EHHADH: variants seen among roughly 807,000 people sequenced by gnomAD.
EHHADH encodes enoyl-CoA hydratase and 3-hydroxyacyl CoA dehydrogenase.
In EHHADH, 48 loss-of-function variants were observed where a neutral mutation model predicts 64.4. That is an observed-to-expected ratio of 0.75 (90% CI 0.59 to 0.95). The LOEUF is 0.95. Ranked by LOEUF, EHHADH falls within the 40% of genes least tolerant of loss-of-function variation. The pLI, the probability that EHHADH is intolerant of heterozygous loss-of-function variation, is 0.00. For missense variants in EHHADH, 854 were observed against 876.6 expected (o/e 0.97, Z 0.33); for synonymous variants, 308 against 326.7 (o/e 0.94, Z 0.62).
Position 185,190,836 on chromosome 3 carries a change from G to GCATTTT in EHHADH, c.*1389_*1390insAAAATG. ...CATCAGAACTTTAATCATTTTATTT[G>GCATTTT]GGTTCACAGGTGAAAATATTGTGAA... is the stretch of plus-strand genomic sequence containing the variant. On this transcript the variant is annotated 3_prime_UTR_variant, in exon 7 of 7. Transcript: ENST00000231887. 1.3e-5 allele frequency: 2 copies of GCATTTT among 152,078 alleles called. 1 individual carries two copies. Among genetic ancestry groups the GCATTTT allele is most frequent in the South Asian group, 4.2e-4 (2 of 4,812 alleles). 9.4% of individuals were successfully genotyped at this position (152,078 alleles called of 1,614,324 possible).
chr3:185,209,750 A>G (rs987092350), intron 5 of EHHADH, among the ~76,000 whole-genome samples: 5 of 152,246 alleles, frequency 3.3e-5, no homozygotes, highest in African/African-American at 1.2e-4. Context: ...ATGCTTGATT[A>G]GTAAGTAGTG....
At chr3:185,228,774 A>G (rs191467484) in intron 4 of EHHADH, among the ~76,000 whole-genome samples, 9 of 152,298 alleles carry the variant, frequency 5.9e-5, no homozygotes, top group Admixed American at 5.2e-4. Context: ...AAAATTTGAA[A>G]ACATACCTTG....
chr3:185,215,926 TTA>T (rs79982388), intron 5 of EHHADH, among the ~76,000 whole-genome samples: 1,727 of 152,300 alleles, frequency 0.011, 14 homozygotes, highest in Non-Finnish European at 0.018. Context: ...CTACACATTT[TTA>T]TATCACAATT....
chr3:185,249,769 G>C (rs1405281329), intron 1 of EHHADH, among the ~76,000 whole-genome samples: 1 of 152,166 alleles, frequency 6.6e-6, no homozygotes, highest in Non-Finnish European at 1.5e-5. Flanking sequence ...GTGTGAAAAT[G>C]GACTAACACA....
Position 185,218,173 on chromosome 3 carries a change from C to G in EHHADH, c.531G>C (p.Pro177=). ...GAGCAAATCTGATTGCTTCTTCAAC[C>G]GGGTCTGAGTTTACAACTTTATCTA... ...GILDKVVNSD[P]VEEAIRFAQR... The change falls in exon 5 of 7, where the codon CCG becomes CCC. Residue 177 remains proline, a synonymous_variant. Transcript: ENST00000231887. 4 of 1,606,510 alleles carry G rather than the reference C, an allele frequency of 2.5e-6. No homozygotes were observed. The highest frequency in any genetic ancestry group is 3.4e-6 in the Non-Finnish European group (4 of 1,177,300).
chr3:185,201,241 G>A (rs994839035), intron 6 of EHHADH, among the ~76,000 whole-genome samples: 2 of 152,144 alleles, frequency 1.3e-5, no homozygotes, highest in African/African-American at 4.8e-5. Flanking sequence ...GATGCTACAA[G>A]GAGGGAATGA....
chr3:185,193,421 AC>A lies in EHHADH; in HGVS notation c.976del (p.Val326Ter), dbSNP rs1717970177. 1.2e-6 allele frequency: 2 copies of A among 1,614,120 alleles called. No homozygotes were observed. The highest frequency in any genetic ancestry group is 1.7e-6 in the Non-Finnish European group (2 of 1,180,054). On this transcript the variant is annotated frameshift_variant, in exon 7 of 7. Coordinates refer to ENST00000231887, the MANE Select transcript of EHHADH (RefSeq NM_001966.4). LOFTEE classifies it high-confidence loss of function. Reference sequence around the variant, plus strand: ...TGCTAGCTGGTTTTTGTCCGAGTCTACAGCAATCACAGGAATCCTGGCCCTT... The same window carrying A: ...TGCTAGCTGGTTTTTGTCCGAGTCTAAGCAATCACAGGAATCCTGGCCCTT... Reference protein sequence around the residue: ...FARARIPVIAVDSDKNQLATA... With the variant: ...FARARIPVIAXDSDKNQLATA...
chr3:185,220,582 CGTT>C (rs1209074096), intron 4 of EHHADH, among the ~76,000 whole-genome samples: 1 of 152,138 alleles, frequency 6.6e-6, no homozygotes, highest in Non-Finnish European at 1.5e-5. Flanking sequence ...GAATATATCT[CGTT>C]GTTCAATGAT....
intron 6 of EHHADH, among the ~76,000 whole-genome samples, chr3:185,199,616 A>T (rs1003502223): frequency 2.0e-5 from 3 of 152,276 alleles, no homozygotes; most frequent in South Asian, 4.1e-4. Flanking sequence ...AAAAAATTTT[A>T]AAAGTACCAT....
chr3:185,219,762 C>T (rs1718786464), intron 4 of EHHADH, among the ~76,000 whole-genome samples: 1 of 152,226 alleles, frequency 6.6e-6, no homozygotes, highest in Non-Finnish European at 1.5e-5. Context: ...GTCTTCACTG[C>T]ACTTACAGTG....
At chr3:185,248,635 G>C (rs1013307010) in intron 1 of EHHADH, 118 bp from the exon 2 acceptor site, 2 of 662,222 alleles carry the variant, frequency 3.0e-6, no homozygotes, top group Non-Finnish European at 5.1e-6. Context: ...AAAAACTGTA[G>C]ATACTTCTCA....
chr3:185,227,690 G>A (rs994406746), intron 4 of EHHADH, among the ~76,000 whole-genome samples: 2 of 152,040 alleles, frequency 1.3e-5, no homozygotes, highest in African/African-American at 4.8e-5. Flanking sequence ...GCCAGGTGTG[G>A]AGGTGCATGC....
At chr3:185,204,132 CAAAAAAAA>C (rs1220063126) in intron 6 of EHHADH, among the ~76,000 whole-genome samples, 3 of 30,528 alleles carry the variant, frequency 9.8e-5, no homozygotes, top group South Asian at 1.4e-3. Context: ...GACTCTGTCT[CAAAAAAAA>C]AAAAAAAAAA....
At chr3:185,210,267 A>G (rs1718505007) in intron 5 of EHHADH, among the ~76,000 whole-genome samples, 1 of 152,222 alleles carries the variant, frequency 6.6e-6, no homozygotes, top group African/African-American at 2.4e-5. Flanking sequence ...TGAAGAGTTT[A>G]CGAAGTTCAG....
At chr3:185,193,820 C>T (rs1717983400) in intron 6 of EHHADH, among the ~76,000 whole-genome samples, 1 of 151,988 alleles carries the variant, frequency 6.6e-6, no homozygotes, top group African/African-American at 2.4e-5. Flanking sequence ...AGAAACAATT[C>T]TACTTACAAT....
At chr3:185,217,860 G>C (rs974229597) in intron 5 of EHHADH, among the ~76,000 whole-genome samples, 11 of 151,516 alleles carry the variant, frequency 7.3e-5, no homozygotes, top group African/African-American at 1.7e-4. Flanking sequence ...CGCCTCCCGG[G>C]TTCACGCCAT....
chr3:185,197,657 T>C (rs567367667), intron 6 of EHHADH, among the ~76,000 whole-genome samples: 5 of 152,360 alleles, frequency 3.3e-5, no homozygotes, highest in South Asian at 4.1e-4. Context: ...TAATATTCCA[T>C]TGTATGTATA....
chr3:185,248,622 G>T (rs1719661121), intron 1 of EHHADH, 105 bp from the exon 2 acceptor site: 1 of 723,224 alleles, frequency 1.4e-6, no homozygotes. Context: ...ACACATAATG[G>T]ATAAAAACTG....
In EHHADH at chr3:185,216,930, C is replaced by T. The variant is rs1354569916; in HGVS notation, c.568+1206G>A. On this transcript the variant is annotated intron_variant, in intron 5 of 6. Transcript: ENST00000231887. The surrounding 1 kb of genome is among the most constrained non-coding windows in gnomAD (Gnocchi z 5.3). ...AACTGTGAAACAAACAAAAAAACCT[C>T]TGTGAGTGCCACTGAAAGAACTCTG... 2.6e-5 allele frequency among the ~76,000 whole-genome samples: 4 copies of T among 152,182 alleles called. No individual in the cohort carries two copies. Among genetic ancestry groups the T allele is most frequent in the South Asian group, 4.2e-4 (2 of 4,818 alleles).
Sources: allele counts gnomAD v4.1 joint callset (sites outside exome capture counted in the v4.1 genomes callset), GRCh38; gene constraint gnomAD v4.1.1; non-coding constraint Gnocchi (gnomAD v3.1); transcripts MANE v1.5; gene names NCBI Gene and HGNC (gene_info 2026-07-23, HGNC 2026-07-21).